Variants in KLHL29 observed in about 807,000 individuals in gnomAD.
KLHL29 encodes kelch like family member 29.
A neutral mutation model predicts 80.4 loss-of-function variants in KLHL29; 21 were observed. The observed-to-expected ratio is 0.26, with a 90% CI of 0.19 to 0.38. The LOEUF (loss-of-function observed/expected upper bound fraction) is 0.38. KLHL29 is among the 10% of genes least tolerant of loss of function. The pLI, the probability that KLHL29 is intolerant of heterozygous loss-of-function variation, is 1.00. For missense variants in KLHL29, 867 were observed against 1,223.9 expected (o/e 0.71, Z 4.35); for synonymous variants, 511 against 526.8 (o/e 0.97, Z 0.41).
At chr2:23,687,957 G>A (rs1167661694) in intron 6 of KLHL29, among the ~76,000 whole-genome samples, 2 of 152,098 alleles carry the variant, frequency 1.3e-5, no homozygotes, top group Non-Finnish European at 2.9e-5. Context: ...CCCAGCCTGC[G>A]GCCGAGTCCC....
chr2:23,691,537 C>A, intron 6 of KLHL29, 137 bp from the exon 7 acceptor site: 1 of 662,860 alleles, frequency 1.5e-6, no homozygotes, highest in South Asian at 1.8e-5. Context: ...GCATTAGGTT[C>A]AGGTGTGTCA....
rs558364654 is a variant in KLHL29 at position 23,695,285 on chromosome 2, C to G, written c.1543-338C>G. ...GTCTTCCTCATTTTAACCCCTCGCC[C>G]CTGCCCCCAGTGGCCTGATCTGCAG... On this transcript the variant is annotated intron_variant, in intron 8 of 13. Coordinates refer to ENST00000486442, the MANE Select transcript of KLHL29 (RefSeq NM_052920.2). The surrounding 1 kb of genome is among the most constrained non-coding windows in gnomAD (Gnocchi z 7.6). Among the ~76,000 whole-genome samples, 1 of 152,176 alleles carries G rather than the reference C, an allele frequency of 6.6e-6. No individual in the cohort carries two copies. Among genetic ancestry groups the G allele is most frequent in the Non-Finnish European group, 1.5e-5 (1 of 68,030 alleles).
intron 1 of KLHL29, among the ~76,000 whole-genome samples, chr2:23,427,212 C>T (rs985992137): frequency 1.3e-5 from 2 of 152,168 alleles, no homozygotes; most frequent in African/African-American, 4.8e-5. Context: ...GAAAGGGGGC[C>T]ACACGTTGAT....
intron 5 of KLHL29, among the ~76,000 whole-genome samples, chr2:23,678,928 G>A (rs137949272): frequency 6.6e-6 from 1 of 151,990 alleles, no homozygotes; most frequent in Non-Finnish European, 1.5e-5. Flanking sequence ...GGGAGTGGTT[G>A]TTTAATGGGT....
At chr2:23,414,967 G>A (rs545251149) in intron 1 of KLHL29, among the ~76,000 whole-genome samples, 1 of 152,346 alleles carries the variant, frequency 6.6e-6, no homozygotes, top group Admixed American at 6.5e-5. Flanking sequence ...GAGTCTCCAG[G>A]GTAGTTGGAG....
chr2:23,611,124 G>A (rs1668861031), intron 3 of KLHL29, among the ~76,000 whole-genome samples: 1 of 152,124 alleles, frequency 6.6e-6, no homozygotes, highest in African/African-American at 2.4e-5. Context: ...AGAAAAGCAG[G>A]TAGTGTCTAA....
rs1471611650 is a variant in KLHL29, at chr2:23,385,789, C to T, written c.-154+9C>T. On this transcript the variant is annotated intron_variant, in intron 1 of 13. Coordinates refer to ENST00000486442, the MANE Select transcript of KLHL29 (RefSeq NM_052920.2). ...GGAGCCGCGCGCCGGAGGTAAGAGC[C>T]GGGCCGGGCTGGAGCGCCTCGGATG... is the stretch of plus-strand genomic sequence containing the variant. 6.5e-6 allele frequency: 1 copy of T among 153,844 alleles called. No homozygotes were observed. The highest frequency in any genetic ancestry group is 1.5e-5 in the Non-Finnish European group (1 of 68,004). The allele number at this position is 153,844 out of a possible 1,614,324, so 9.5% of individuals were successfully genotyped here. A position where few individuals can be genotyped will look rare whatever the true frequency, so the allele number is the denominator to read the frequency against.
At chr2:23,433,780 A>T (rs1375129197) in intron 1 of KLHL29, among the ~76,000 whole-genome samples, 1 of 152,172 alleles carries the variant, frequency 6.6e-6, no homozygotes, top group African/African-American at 2.4e-5. Flanking sequence ...ATTGCTGGGC[A>T]TGGTGGTGCA....
chr2:23,433,237 T>C (rs975757580), intron 1 of KLHL29, among the ~76,000 whole-genome samples: 4 of 152,176 alleles, frequency 2.6e-5, no homozygotes, highest in African/African-American at 9.7e-5. Flanking sequence ...GTAAGTTCTA[T>C]GGCAAGAAAC....
chr2:23,500,647 T>G (rs772857442), intron 2 of KLHL29, among the ~76,000 whole-genome samples: 1 of 152,238 alleles, frequency 6.6e-6, no homozygotes, highest in Non-Finnish European at 1.5e-5. Flanking sequence ...TTTCTCTGAT[T>G]TAAAAACCTG....
At chr2:23,613,514 C>G (rs1234883147) in intron 3 of KLHL29, among the ~76,000 whole-genome samples, 5 of 152,032 alleles carry the variant, frequency 3.3e-5, no homozygotes. Context: ...GCCTGTGATC[C>G]CAGCACTTTG....
chr2:23,643,032 G>A (rs1230871066), intron 5 of KLHL29, 182 bp downstream of exon 5: 2 of 775,458 alleles, frequency 2.6e-6, no homozygotes, highest in Admixed American at 2.0e-5. Flanking sequence ...GGGAGGGAGG[G>A]GGAAGGTGTG....
At chr2:23,411,379 T>TTTTG (rs1356856042) in intron 1 of KLHL29, among the ~76,000 whole-genome samples, 1 of 108,944 alleles carries the variant, frequency 9.2e-6, no homozygotes, top group African/African-American at 3.8e-5. Flanking sequence ...GTTGCAAAAA[T>TTTTG]TGTGTGTGTG....
intron 3 of KLHL29, among the ~76,000 whole-genome samples, chr2:23,638,401 A>G (rs1669675646): frequency 6.7e-6 from 1 of 149,624 alleles, no homozygotes; most frequent in Admixed American, 6.6e-5. Context: ...TTTTTTTTTC[A>G]CTCTGAGGTT....
intron 3 of KLHL29, among the ~76,000 whole-genome samples, chr2:23,579,645 A>G (rs1275212815): frequency 1.3e-5 from 2 of 152,134 alleles, no homozygotes; most frequent in African/African-American, 2.4e-5. Context: ...GAGGGGACAG[A>G]AATTGCCTCT....
At position 23,700,609 on chromosome 2, in the gene KLHL29, TA is replaced by T. The variant is rs1203896878; in HGVS notation, c.2106-2574del. 6.6e-6 allele frequency among the ~76,000 whole-genome samples: 1 copy of T among 152,236 alleles called. No homozygotes were observed. The highest frequency in any genetic ancestry group is 2.4e-5 in the African/African-American group (1 of 41,460). Reference sequence around the variant, plus strand: ...ACGTTTTCCCTAGAGAGCTGGCTGTTAAACATTCATCAGCATTCCATTGACC... The same window carrying T: ...ACGTTTTCCCTAGAGAGCTGGCTGTTAACATTCATCAGCATTCCATTGACC... On this transcript the variant is annotated intron_variant, in intron 11 of 13. Coordinates refer to ENST00000486442, the MANE Select transcript of KLHL29 (RefSeq NM_052920.2). The surrounding 1 kb of genome is among the most constrained non-coding windows in gnomAD (Gnocchi z 4.6).
chr2:23,604,396 G>A lies in KLHL29; in HGVS notation c.286-34743G>A, dbSNP rs115040515. On this transcript the variant is annotated intron_variant, in intron 3 of 13. Transcript: ENST00000486442. Reference sequence around the variant, plus strand: ...AGGCGTGAGCCACTGCGCCCGGCCTGGAAGATCATTTCTATTCTCTATAAC... The same window carrying A: ...AGGCGTGAGCCACTGCGCCCGGCCTAGAAGATCATTTCTATTCTCTATAAC... Among the ~76,000 whole-genome samples, 1,126 of 152,276 alleles carry A rather than the reference G, an allele frequency of 7.4e-3. 15 individuals carry two copies. Among genetic ancestry groups the A allele is most frequent in the African/African-American group, 0.026 (1,083 of 41,564 alleles).
chr2:23,486,552 A>G (rs1019534529), intron 2 of KLHL29, among the ~76,000 whole-genome samples: 9 of 152,154 alleles, frequency 5.9e-5, no homozygotes, highest in African/African-American at 1.9e-4. Flanking sequence ...CTCCACCACA[A>G]TTAGCACTGT....
intron 2 of KLHL29, among the ~76,000 whole-genome samples, chr2:23,526,535 A>G (rs889351796): frequency 6.6e-6 from 1 of 152,016 alleles, no homozygotes; most frequent in Non-Finnish European, 1.5e-5. Flanking sequence ...GGTGGGAAAA[A>G]CCACTGAAGG....
Sources: allele counts gnomAD v4.1 joint callset (sites outside exome capture counted in the v4.1 genomes callset), GRCh38; gene constraint gnomAD v4.1.1; non-coding constraint Gnocchi (gnomAD v3.1); transcripts MANE v1.5; gene names NCBI Gene and HGNC (gene_info 2026-07-23, HGNC 2026-07-21).